Variants in ADAM18 observed in about 807,000 individuals in gnomAD.
ADAM18 encodes the protein disintegrin and metalloproteinase domain-containing protein 18.
A neutral mutation model predicts 94.4 loss-of-function variants in ADAM18; 117 were observed. That is an observed-to-expected ratio of 1.24 (90% CI 1.07 to 1.45). The LOEUF is 1.45. Ranked by LOEUF, ADAM18 falls within the 40% of genes most tolerant of loss-of-function variation. The pLI, the probability that ADAM18 is intolerant of heterozygous loss-of-function variation, is 0.00. For synonymous variants in ADAM18, 327 were observed against 291.6 expected (o/e 1.12, Z -1.24); for missense variants, 936 against 880.0 (o/e 1.06, Z -0.81).
chr8:39,662,457 GA>G (rs1335326512), intron 12 of ADAM18, among the ~76,000 whole-genome samples: 1 of 152,050 alleles, frequency 6.6e-6, no homozygotes, highest in Non-Finnish European at 1.5e-5. Flanking sequence ...TCAAAATTAA[GA>G]AGAATCCTGC....
intron 18 of ADAM18, among the ~76,000 whole-genome samples, chr8:39,710,156 G>A (rs1822355460): frequency 6.6e-6 from 1 of 152,158 alleles, no homozygotes; most frequent in African/African-American, 2.4e-5. Context: ...CAGTGATTCA[G>A]AAACATCTCT....
At chr8:39,585,210 C>A in intron 1 of ADAM18, 66 bp from the exon 2 acceptor site, 1 of 1,319,120 alleles carries the variant, frequency 7.6e-7, no homozygotes, top group Admixed American at 1.8e-5. Flanking sequence ...GATAAGAACC[C>A]GTGCTTGACT....
At chr8:39,685,861 AC>A (rs1470139790) in intron 16 of ADAM18, among the ~76,000 whole-genome samples, 3 of 152,112 alleles carry the variant, frequency 2.0e-5, no homozygotes, top group Non-Finnish European at 4.4e-5. Flanking sequence ...CCCACCTTCC[AC>A]AAAACACTAG....
chr8:39,705,653 C>T lies in ADAM18; in HGVS notation c.1903-1137C>T, dbSNP rs74928337. On this transcript the variant is annotated intron_variant, in intron 17 of 19. Transcript: ENST00000265707. ...CATGGATATATAAAATAGAATACTA[C>T]TTCATGGAATTCAGGGCTATAATTC... 2.3e-3 allele frequency among the ~76,000 whole-genome samples: 351 copies of T among 152,208 alleles called. 2 individuals are homozygous for T. Among genetic ancestry groups the T allele is most frequent in the Non-Finnish European group, 3.9e-3 (267 of 67,984 alleles).
chr8:39,604,662 A>G (rs1333928706), intron 2 of ADAM18: 1 of 152,222 alleles, frequency 6.6e-6, no homozygotes, highest in African/African-American at 2.4e-5. Flanking sequence ...ACCTTCTGCC[A>G]TGAGTAAAAA....
chr8:39,692,671 A>G lies in ADAM18; in HGVS notation c.1893A>G (p.Lys631=). The G allele has an allele frequency of 6.2e-7, 1 of 1,600,962 alleles. No individual in the cohort carries two copies. Among genetic ancestry groups the G allele is most frequent in the Non-Finnish European group, 8.5e-7 (1 of 1,172,466 alleles). The change falls in exon 17 of 20, where the codon AAA becomes AAG. Residue 631 remains lysine, a synonymous_variant. Coordinates refer to ENST00000265707, the MANE Select transcript of ADAM18 (RefSeq NM_014237.3). ...GYNCNATTKC[K]GKGICNNFGN... Reference sequence around the variant, plus strand: ...ACTGTAATGCCACCACAAAATGCAAAGGGAAAGGGGTAAGTCACTTTTGTA... The same window carrying G: ...ACTGTAATGCCACCACAAAATGCAAGGGGAAAGGGGTAAGTCACTTTTGTA...
At chr8:39,629,925 G>A (rs1455670125) in intron 7 of ADAM18, among the ~76,000 whole-genome samples, 16 of 151,716 alleles carry the variant, frequency 1.1e-4, no homozygotes, top group Non-Finnish European at 1.5e-5. Context: ...GTATCTCTTT[G>A]ACTTTAACTC....
At chr8:39,721,085 A>T (rs1822729944) in intron 18 of ADAM18, among the ~76,000 whole-genome samples, 1 of 151,486 alleles carries the variant, frequency 6.6e-6, no homozygotes, top group African/African-American at 2.4e-5. Flanking sequence ...TGAATTTCAA[A>T]AGTCAGTAAT....
chr8:39,729,810 T>A, intron 19 of ADAM18, 88 bp from the exon 20 acceptor site: 1 of 1,039,464 alleles, frequency 9.6e-7, no homozygotes, highest in Non-Finnish European at 1.5e-6. Flanking sequence ...AAAGTAGAAA[T>A]TCAGTAGTAA....
At chr8:39,689,802 A>T (rs1821718931) in intron 16 of ADAM18, among the ~76,000 whole-genome samples, 1 of 152,122 alleles carries the variant, frequency 6.6e-6, no homozygotes, top group Non-Finnish European at 1.5e-5. Context: ...TGGCCATTTC[A>T]GCTATATTGA....
rs7816882 is a variant in ADAM18 at position 39,651,393 on chromosome 8, A to G, written c.1230+2866A>G. 6.0e-3 allele frequency among the ~76,000 whole-genome samples: 915 copies of G among 152,330 alleles called. 5 individuals are homozygous for G. Among genetic ancestry groups the G allele is most frequent in the African/African-American group, 0.021 (869 of 41,576 alleles). On this transcript the variant is annotated intron_variant, in intron 12 of 19. Transcript: ENST00000265707. ...CAGGTCTTTGCCTTCCCACGAGGCC[A>G]TATTTCAGACTATTACATGGAGAGA...
intron 2 of ADAM18, among the ~76,000 whole-genome samples, chr8:39,588,328 G>T (rs1563264325): frequency 6.6e-6 from 1 of 151,746 alleles, no homozygotes; most frequent in Non-Finnish European, 1.5e-5. Flanking sequence ...ATGATATTGA[G>T]TACTATTTCT....
intron 2 of ADAM18, among the ~76,000 whole-genome samples, chr8:39,597,866 A>G (rs536180450): frequency 3.9e-4 from 60 of 152,332 alleles, no homozygotes; most frequent in African/African-American, 1.4e-3. Context: ...CTATTAATCA[A>G]GTTGGAAATA....
rs781004299 is a variant in ADAM18 at position 39,729,874 on chromosome 8, T to G, written c.2178-24T>G. The G allele has an allele frequency of 8.1e-6, 13 of 1,605,894 alleles. No homozygotes were observed. In the South Asian group the frequency reaches 1.2e-4, roughly 15 times the overall value. On this transcript the variant is annotated intron_variant, in intron 19 of 19. Transcript: ENST00000265707. ...TACTAAACATATTGTGAATTTCTAT[T>G]TTTTCTGTTTTTCTTCACTATAGTA...
intron 11 of ADAM18, among the ~76,000 whole-genome samples, chr8:39,647,343 C>T (rs968840928): frequency 2.0e-5 from 3 of 152,080 alleles, no homozygotes; most frequent in African/African-American, 7.2e-5. Flanking sequence ...TCTCTCCTCC[C>T]AAACATCTCA....
intron 18 of ADAM18, among the ~76,000 whole-genome samples, chr8:39,718,345 G>A (rs1296881455): frequency 6.6e-6 from 1 of 151,536 alleles, no homozygotes; most frequent in African/African-American, 2.4e-5. Context: ...TAAAGGAAGT[G>A]TGGCATATAC....
intron 17 of ADAM18, among the ~76,000 whole-genome samples, chr8:39,695,541 T>C (rs1450337545): frequency 6.6e-6 from 1 of 151,466 alleles, no homozygotes; most frequent in East Asian, 1.9e-4. Flanking sequence ...TCTTCTATGA[T>C]GAAGCATCTT....
At chr8:39,638,771 A>T (rs1295576368) in intron 10 of ADAM18, among the ~76,000 whole-genome samples, 2 of 151,856 alleles carry the variant, frequency 1.3e-5, no homozygotes, top group African/African-American at 4.8e-5. Flanking sequence ...TAGTGTAATC[A>T]CTCACCAACT....
At chr8:39,715,230 T>C (rs7386927) in intron 18 of ADAM18, among the ~76,000 whole-genome samples, 134,818 of 152,016 alleles carry the variant, frequency 0.89, 59,872 homozygotes, top group Admixed American at 0.93. Context: ...AAATAACACA[T>C]GGGTTAAAGT....
Sources: allele counts gnomAD v4.1 joint callset (sites outside exome capture counted in the v4.1 genomes callset), GRCh38; gene constraint gnomAD v4.1.1; transcripts MANE v1.5; gene names NCBI Gene and HGNC (gene_info 2026-07-23, HGNC 2026-07-21).